Variants in MRPS27 observed in about 807,000 individuals in gnomAD.
The protein encoded by MRPS27 is small ribosomal subunit protein mS27.
Under a neutral mutation model 48.9 loss-of-function variants are expected in MRPS27, and 43 were observed. The observed-to-expected ratio is 0.88, with a 90% confidence interval of 0.69 to 1.13. The LOEUF (loss-of-function observed/expected upper bound fraction) is 1.13. Ranked by LOEUF, MRPS27 falls within the 50% of genes most tolerant of loss-of-function variation. The probability of loss-of-function intolerance (pLI) is 0.00; values close to 1 mark genes in which losing one functional copy is unlikely to be tolerated. For synonymous variants in MRPS27, 188 were observed against 171.9 expected, an observed-to-expected ratio of 1.09 and a Z score of -0.73; for missense variants, 467 against 476.3, an observed-to-expected ratio of 0.98 and a Z score of 0.18.
intron 8 of MRPS27, chr5:72,227,176 A>G (rs1747922854): frequency 6.6e-6 from 1 of 152,284 alleles, no homozygotes; most frequent in Non-Finnish European, 1.5e-5. Flanking sequence ...CTGCTATCAC[A>G]AAGAACCAGG....
chr5:72,272,158 G>C (rs978544559), intron 4 of MRPS27, among the ~76,000 whole-genome samples: 9 of 152,274 alleles, frequency 5.9e-5, no homozygotes, highest in African/African-American at 2.2e-4. Context: ...AGGCCTATGG[G>C]ATACTTTAGG....
chr5:72,268,672 G>A (rs1749159034), intron 4 of MRPS27, among the ~76,000 whole-genome samples: 1 of 152,160 alleles, frequency 6.6e-6, no homozygotes, highest in Admixed American at 6.6e-5. Flanking sequence ...TTTTGGAAGT[G>A]TTTCCTCTTT....
chr5:72,277,512 G>A (rs1175358212), intron 4 of MRPS27, among the ~76,000 whole-genome samples: 1 of 152,072 alleles, frequency 6.6e-6, no homozygotes, highest in Non-Finnish European at 1.5e-5. Flanking sequence ...GCTGAGGCAG[G>A]AGAATCGCTT....
In MRPS27 at chr5:72,249,633, C is replaced by G. The variant is rs191902244; in HGVS notation, c.282-11505G>C. ...CCGGGAGGCAGAGGTTGCAGTGAGC[C>G]AAGATGGCGCCACTGCACTCCAGCC... On this transcript the variant is annotated intron_variant, in intron 4 of 10. Transcript: ENST00000261413. 6.0e-3 allele frequency among the ~76,000 whole-genome samples: 895 copies of G among 150,130 alleles called. 4 individuals carry two copies. Among genetic ancestry groups the G allele is most frequent in the Admixed American group, 9.5e-3 (142 of 15,024 alleles).
intron 1 of MRPS27, among the ~76,000 whole-genome samples, chr5:72,319,340 C>T (rs1344041699): frequency 6.6e-6 from 1 of 151,992 alleles, no homozygotes; most frequent in Non-Finnish European, 1.5e-5. Context: ...AAAACTATAG[C>T]AAAGAAAGGT....
intron 4 of MRPS27, among the ~76,000 whole-genome samples, chr5:72,252,876 G>C (rs1415165989): frequency 6.6e-6 from 1 of 152,124 alleles, no homozygotes; most frequent in Non-Finnish European, 1.5e-5. Flanking sequence ...GACAGTCAGA[G>C]TACCTAGAGA....
At position 72,295,552 on chromosome 5, in the gene MRPS27, T is replaced by C. The variant is rs1254278800; in HGVS notation, c.260A>G (p.His87Arg). The C allele has an allele frequency of 6.2e-7, 1 of 1,611,284 alleles. No individual in the cohort carries two copies. The highest frequency in any genetic ancestry group is 8.5e-7 in the Non-Finnish European group (1 of 1,177,490). ...TTACTTGTAAAGGTAATACTCTGCA[T>C]GATCTATCTCTTCCCGAGAGGAAAT... ...DNISSREEID[H>R]AEYYLYKFRH... The change falls in exon 4 of 11, where the codon CAT (histidine) becomes CGT (arginine). Residue 87 changes from histidine to arginine, a missense_variant. Coordinates refer to ENST00000261413, the MANE Select transcript of MRPS27 (RefSeq NM_015084.3).
chr5:72,308,101 G>C (rs1262526547), intron 2 of MRPS27: 1 of 152,200 alleles, frequency 6.6e-6, no homozygotes, highest in African/African-American at 2.4e-5. Context: ...TGGACGCACC[G>C]CGGGCGCAGG....
chr5:72,298,707 C>T (rs1231312182), intron 2 of MRPS27, among the ~76,000 whole-genome samples: 1 of 122,330 alleles, frequency 8.2e-6, no homozygotes, highest in African/African-American at 3.1e-5. Flanking sequence ...AGCGAGACTC[C>T]GTCTCAAAAA....
intron 4 of MRPS27, among the ~76,000 whole-genome samples, chr5:72,285,914 T>C (rs1425171307): frequency 6.6e-6 from 1 of 152,226 alleles, no homozygotes; most frequent in Non-Finnish European, 1.5e-5. Context: ...TCAAAGCCTC[T>C]ACTGGCTTTA....
At chr5:72,289,217 G>A (rs1161505601) in intron 4 of MRPS27, among the ~76,000 whole-genome samples, 3 of 152,140 alleles carry the variant, frequency 2.0e-5, no homozygotes, top group Non-Finnish European at 4.4e-5. Flanking sequence ...ATGGATGAAT[G>A]TGTTGGCAGT....
chr5:72,274,708 G>T (rs565518734), intron 4 of MRPS27, among the ~76,000 whole-genome samples: 1 of 152,264 alleles, frequency 6.6e-6, no homozygotes, highest in East Asian at 1.9e-4. Context: ...GCTTTTATAT[G>T]AGTGGCAGCA....
chr5:72,299,644 A>T (rs1268914929), intron 2 of MRPS27, among the ~76,000 whole-genome samples: 3 of 152,230 alleles, frequency 2.0e-5, no homozygotes. Flanking sequence ...GGCCTGAATG[A>T]TTCCTATTTT....
chr5:72,307,543 C>G (rs1350034530), intron 2 of MRPS27, among the ~76,000 whole-genome samples: 2 of 151,892 alleles, frequency 1.3e-5, no homozygotes, highest in African/African-American at 2.4e-5. Flanking sequence ...CAAAATTATC[C>G]AAAGCATCGG....
intron 4 of MRPS27, among the ~76,000 whole-genome samples, chr5:72,272,077 AT>A (rs1749261383): frequency 2.0e-5 from 3 of 151,918 alleles, no homozygotes; most frequent in East Asian, 1.9e-4. Context: ...AAACACTGGG[AT>A]TCCCCCCCCA....
intron 1 of MRPS27, among the ~76,000 whole-genome samples, chr5:72,317,408 C>G (rs1343303071): frequency 6.6e-6 from 1 of 152,138 alleles, no homozygotes; most frequent in Non-Finnish European, 1.5e-5. Flanking sequence ...GAGTTTCGCT[C>G]TTGTTGCCCA....
At chr5:72,259,532 C>G (rs1748910299) in intron 4 of MRPS27, among the ~76,000 whole-genome samples, 1 of 150,246 alleles carries the variant, frequency 6.7e-6, no homozygotes, top group South Asian at 2.1e-4. Context: ...ATTTGAAAAT[C>G]TTTTTTAAAT....
chr5:72,238,130 T>C lies in MRPS27; in HGVS notation c.282-2A>G. ...CAGCAGTTGGGGCTGTGTCGAAACC[T>C]AAATAAGCACAAGAAGAGAGAAAAC... is the stretch of plus-strand genomic sequence containing the variant. On this transcript the variant is annotated splice_acceptor_variant, in intron 4 of 10. Transcript: ENST00000261413. LOFTEE classifies it high-confidence loss of function. 1 of 1,606,516 alleles carries C rather than the reference T, an allele frequency of 6.2e-7. No homozygotes were observed. The highest frequency in any genetic ancestry group is 2.2e-5 in the East Asian group (1 of 44,812).
chr5:72,290,689 A>G lies in MRPS27; in HGVS notation c.281+4842T>C, dbSNP rs549970542. On this transcript the variant is annotated intron_variant, in intron 4 of 10. Coordinates refer to ENST00000261413, the MANE Select transcript of MRPS27 (RefSeq NM_015084.3). ...AGGTAGGAACCCTTTTCTCTTCCAAATATTAACAAGAGGGCGTGTGGATAG... is the reference window on the plus strand; with the variant it reads ...AGGTAGGAACCCTTTTCTCTTCCAAGTATTAACAAGAGGGCGTGTGGATAG... Among the ~76,000 whole-genome samples the G allele has an allele frequency of 2.0e-5, 3 of 152,348 alleles. 1 individual carries two copies. Among genetic ancestry groups the G allele is most frequent in the African/African-American group, 7.2e-5 (3 of 41,574 alleles).
Sources: allele counts gnomAD v4.1 joint callset (sites outside exome capture counted in the v4.1 genomes callset), GRCh38; gene constraint gnomAD v4.1.1; transcripts MANE v1.5; gene names NCBI Gene and HGNC (gene_info 2026-07-23, HGNC 2026-07-21).